Variants in LINGO2 observed in about 807,000 individuals in gnomAD.
LINGO2 encodes the protein leucine rich repeat and Ig domain containing 2, also known as leucine-rich repeat and immunoglobulin-like domain-containing nogo receptor-interacting protein 2.
Under a neutral mutation model 30.6 loss-of-function variants are expected in LINGO2, and 14 were observed. That is an observed-to-expected ratio of 0.46 (90% CI 0.30 to 0.72). LINGO2 has a LOEUF of 0.72. LINGO2 is among the 30% of genes least tolerant of loss of function. The pLI is 0.07. For synonymous variants in LINGO2, 317 were observed against 288.5 expected, an observed-to-expected ratio of 1.10 and a Z score of -1.00; for missense variants, 729 against 751.7, an observed-to-expected ratio of 0.97 and a Z score of 0.35.
At chr9:28,640,065 C>G (rs1276763506) in intron 1 of LINGO2, among the ~76,000 whole-genome samples, 1 of 152,066 alleles carries the variant, frequency 6.6e-6, no homozygotes, top group Non-Finnish European at 1.5e-5. Flanking sequence ...GATTTTATTT[C>G]TCCTTCACTT....
At chr9:29,070,322 C>A in the LINGO2 span, among the ~76,000 whole-genome samples, 1 of 152,058 alleles carries the variant, frequency 6.6e-6, no homozygotes, top group East Asian at 1.9e-4. Context: ...AATATCATGA[C>A]GGAATTGGGT....
At chr9:29,188,744 G>T in the LINGO2 span, among the ~76,000 whole-genome samples, 1 of 140,804 alleles carries the variant, frequency 7.1e-6, no homozygotes, top group Admixed American at 7.2e-5. Flanking sequence ...GGCTGGCCGG[G>T]CAGAGGGGCT....
chr9:28,247,370 C>A (rs1183955145), intron 4 of LINGO2, among the ~76,000 whole-genome samples: 1 of 152,054 alleles, frequency 6.6e-6, no homozygotes, highest in Admixed American at 6.6e-5. Flanking sequence ...CAATGATAGA[C>A]TGGATAAAGA....
the LINGO2 span, among the ~76,000 whole-genome samples, chr9:28,977,512 C>A: frequency 2.0e-5 from 3 of 151,904 alleles, no homozygotes; most frequent in Non-Finnish European, 4.4e-5. Context: ...TAATAGCGAC[C>A]TGCATTTCAT....
At chr9:28,630,225 C>CA (rs1448827113) in intron 1 of LINGO2, among the ~76,000 whole-genome samples, 2 of 150,618 alleles carry the variant, frequency 1.3e-5, no homozygotes, top group South Asian at 4.2e-4. Context: ...AAAATAAATA[C>CA]AAAAAAATCA....
chr9:29,064,090 C>A, the LINGO2 span, among the ~76,000 whole-genome samples: 13 of 152,122 alleles, frequency 8.5e-5, 1 homozygote, highest in South Asian at 2.7e-3. Context: ...TTTTTTGCTA[C>A]ATAATGGTTA....
intron 4 of LINGO2, among the ~76,000 whole-genome samples, chr9:28,100,196 A>G (rs779811629): frequency 2.6e-5 from 4 of 152,196 alleles, no homozygotes; most frequent in Non-Finnish European, 4.4e-5. Flanking sequence ...ATTATTTGAC[A>G]CATAAAATCA....
chr9:28,321,067 A>G (rs1181970488), intron 3 of LINGO2, among the ~76,000 whole-genome samples: 2 of 149,162 alleles, frequency 1.3e-5, no homozygotes, highest in Non-Finnish European at 3.0e-5. Context: ...AATTTTTTTT[A>G]AATATTGGCA....
rs748059897 is a variant in LINGO2, at chr9:28,094,528, TGAGA to T, written c.-86-82127_-86-82124del. On this transcript the variant is annotated intron_variant, in intron 4 of 5. Coordinates refer to ENST00000379992, the Ensembl canonical transcript of LINGO2. ...GAAAGGGGATATGTGTGTGTGTGTG[TGAGA>T]GAGAGAGAGAGAGAGAGTAAATATT... Among the ~76,000 whole-genome samples the T allele has an allele frequency of 3.6e-3, 536 of 150,358 alleles. 4 individuals are homozygous for T. The highest frequency in any genetic ancestry group is 9.8e-3 in the Admixed American group (148 of 15,050).
the LINGO2 span, among the ~76,000 whole-genome samples, chr9:28,863,302 A>G: frequency 6.6e-6 from 1 of 152,152 alleles, no homozygotes; most frequent in South Asian, 2.1e-4. Context: ...TTAGGATTTA[A>G]GGGGCTGATT....
At chr9:29,211,739 A>G in the LINGO2 span, among the ~76,000 whole-genome samples, 1 of 152,010 alleles carries the variant, frequency 6.6e-6, no homozygotes, top group Non-Finnish European at 1.5e-5. Context: ...CGTTTTCTCC[A>G]CCACACCCCA....
chr9:28,020,153 G>A (rs982079097), intron 4 of LINGO2, among the ~76,000 whole-genome samples: 1 of 152,160 alleles, frequency 6.6e-6, no homozygotes, highest in African/African-American at 2.4e-5. Flanking sequence ...CACACAGCAT[G>A]CAATCCCTCT....
chr9:28,088,681 T>C (rs1825985322), intron 4 of LINGO2, among the ~76,000 whole-genome samples: 1 of 152,068 alleles, frequency 6.6e-6, no homozygotes, highest in African/African-American at 2.4e-5. Flanking sequence ...CCAGCTAACA[T>C]CATAATGATA....
the LINGO2 span, among the ~76,000 whole-genome samples, chr9:29,098,984 T>C: frequency 6.6e-6 from 1 of 152,168 alleles, no homozygotes; most frequent in East Asian, 1.9e-4. Context: ...CCAATTATAC[T>C]TCAGAGCTAT....
chr9:29,044,056 A>G, the LINGO2 span, among the ~76,000 whole-genome samples: 1 of 151,948 alleles, frequency 6.6e-6, no homozygotes, highest in Non-Finnish European at 1.5e-5. Context: ...CTGTATTTCC[A>G]CTTATTAGGA....
the LINGO2 span, among the ~76,000 whole-genome samples, chr9:28,984,587 G>T: frequency 6.6e-6 from 1 of 151,396 alleles, no homozygotes; most frequent in African/African-American, 2.4e-5. Flanking sequence ...CCAGGATAGG[G>T]GAAATAAAAT....
chr9:27,984,968 A>T (rs185153675), intron 5 of LINGO2, among the ~76,000 whole-genome samples: 1 of 152,042 alleles, frequency 6.6e-6, no homozygotes, highest in African/African-American at 2.4e-5. Flanking sequence ...TGTAAACAAT[A>T]GAGTTTTAGG....
At chr9:28,250,025 A>C (rs1276114820) in intron 4 of LINGO2, among the ~76,000 whole-genome samples, 3 of 152,124 alleles carry the variant, frequency 2.0e-5, no homozygotes, top group Non-Finnish European at 4.4e-5. Context: ...AGACATGAAA[A>C]ACCTGTTTAT....
chr9:28,794,457 G>T, the LINGO2 span, among the ~76,000 whole-genome samples: 2 of 152,302 alleles, frequency 1.3e-5, no homozygotes, highest in East Asian at 1.9e-4. Flanking sequence ...TGCAAGCAAG[G>T]ATGAGGTTTC....
Sources: gnomAD v4.1 joint callset for allele counts (sites outside exome capture counted in the v4.1 genomes callset) on GRCh38, gnomAD v4.1.1 for gene constraint, MANE v1.5 for transcripts, NCBI Gene and HGNC (gene_info 2026-07-23, HGNC 2026-07-21) for gene names.